TERF1: variants seen among roughly 807,000 people sequenced by gnomAD.
The protein encoded by TERF1 is telomeric repeat binding factor 1, also known as telomeric repeat-binding factor 1.
In TERF1, 20 loss-of-function variants were observed where a neutral mutation model predicts 55.1. The ratio of observed to expected loss-of-function variants is 0.36; its 90% CI spans 0.26 to 0.53. The LOEUF (loss-of-function observed/expected upper bound fraction) is 0.53, where lower values mean the gene tolerates loss of function less well. TERF1 is among the 20% of genes least tolerant of loss of function. TERF1 has a pLI of 0.91. For synonymous variants in TERF1, 168 were observed against 181.2 expected (o/e 0.93, Z 0.59); for missense variants, 439 against 535.7 (o/e 0.82, Z 1.78).
At chr8:73,036,865 A>G (rs1052714321) in intron 8 of TERF1, among the ~76,000 whole-genome samples, 6 of 145,248 alleles carry the variant, frequency 4.1e-5, no homozygotes, top group African/African-American at 1.5e-4. Context: ...TATATTATAT[A>G]TATATGACCT....
At chr8:73,012,098 G>C (rs1210054880) in intron 1 of TERF1, 1 of 152,178 alleles carries the variant, frequency 6.6e-6, no homozygotes, top group African/African-American at 2.4e-5. Context: ...AGGGCATGTA[G>C]AGTTACTCAT....
At chr8:73,029,071 C>T (rs1265371871) in intron 6 of TERF1, among the ~76,000 whole-genome samples, 1 of 151,976 alleles carries the variant, frequency 6.6e-6, no homozygotes, top group Non-Finnish European at 1.5e-5. Context: ...AGAACCAGGG[C>T]AAATAAAGCA....
rs929259145 is a variant in TERF1 at position 73,047,124 on chromosome 8, A to G, written c.*987A>G. 1.3e-5 allele frequency: 2 copies of G among 152,172 alleles called. No homozygotes were observed. Among genetic ancestry groups the G allele is most frequent in the African/African-American group, 4.8e-5 (2 of 41,432 alleles). 9.4% of individuals were successfully genotyped at this position (152,172 alleles called of 1,614,324 possible). ...GATCATACGTACCCCAAACCTCAAC[A>G]TCACACAGTATACTCAGCTAACAAA... On this transcript the variant is annotated 3_prime_UTR_variant, in exon 10 of 10. Coordinates refer to ENST00000276603, the MANE Select transcript of TERF1 (RefSeq NM_017489.3).
chr8:73,035,273 C>A (rs911386103), intron 8 of TERF1, among the ~76,000 whole-genome samples: 4 of 152,076 alleles, frequency 2.6e-5, no homozygotes, highest in African/African-American at 9.7e-5. Flanking sequence ...GCATTGTTTT[C>A]CCATGTTGGA....
rs1276344054 is a variant in TERF1 at position 73,009,019 on chromosome 8, C to T, written c.133C>T (p.Leu45Phe). 1.9e-5 allele frequency: 31 copies of T among 1,611,356 alleles called. No homozygotes were observed. Among genetic ancestry groups the T allele is most frequent in the Non-Finnish European group, 2.5e-5 (30 of 1,179,238 alleles). ...DEEQFECQEL[L>F]ECQVQVGAPE... ...GGAGCAGTTCGAATGCCAGGAACTG[C>T]TCGAGTGCCAGGTGCAGGTGGGGGC... Residue 45 changes from leucine to phenylalanine, a missense_variant, in exon 1 of 10, where the codon CTC becomes TTC. Leu to Phe is a conservative substitution (Grantham distance 22). This residue lies in a region of TERF1 where 179 missense variants were observed against 152.6 expected (regional missense o/e 1.17). Coordinates refer to ENST00000276603, the MANE Select transcript of TERF1 (RefSeq NM_017489.3).
chr8:73,022,452 T>C (rs1202033269), intron 4 of TERF1, 150 bp downstream of exon 4: 4 of 462,206 alleles, frequency 8.7e-6, no homozygotes, highest in East Asian at 4.0e-5. Context: ...AAGTCACATA[T>C]GTGATTTAAA....
In TERF1 at chr8:73,047,635, A is replaced by G. The variant is rs1437358435; in HGVS notation, c.*1498A>G. The G allele has an allele frequency of 3.3e-5, 5 of 152,216 alleles. No homozygotes were observed. The highest frequency in any genetic ancestry group is 1.9e-4 in the East Asian group (1 of 5,198). The allele number at this position is 152,216 out of a possible 1,614,324, so 9.4% of individuals were successfully genotyped here. On this transcript the variant is annotated 3_prime_UTR_variant, in exon 10 of 10. Coordinates refer to ENST00000276603, the MANE Select transcript of TERF1 (RefSeq NM_017489.3). ...TTGAAGTATTTGCATAAAAAATCAA[A>G]TGGTGGTGTTTTGTAATCTCTATTG...
intron 1 of TERF1, chr8:73,012,343 A>C (rs1423857300): frequency 6.6e-6 from 1 of 152,250 alleles, no homozygotes; most frequent in Non-Finnish European, 1.5e-5. Context: ...GAAATATTGC[A>C]AGAATTATCA....
At chr8:73,035,226 A>C (rs1052380075) in intron 8 of TERF1, among the ~76,000 whole-genome samples, 5 of 151,754 alleles carry the variant, frequency 3.3e-5, no homozygotes, top group African/African-American at 1.2e-4. Flanking sequence ...CAATCCCCAA[A>C]TTTTCTTGGT....
rs1808146553 is a variant in TERF1 at position 73,008,969 on chromosome 8, T to C, written c.83T>C (p.Met28Thr). 1.2e-6 allele frequency: 2 copies of C among 1,612,878 alleles called. No individual in the cohort carries two copies. Among genetic ancestry groups the C allele is most frequent in the Non-Finnish European group, 1.7e-6 (2 of 1,179,712 alleles). Residue 28 changes from methionine (M) to threonine (T), a missense_variant, in exon 1 of 10, where the codon ATG becomes ACG. By Grantham distance (81) the Met-to-Thr change is moderately conservative (BLOSUM62 -1). Transcript: ENST00000276603. ...GRDADPTEEQMAETERNDEEQ... is the reference protein window; with the variant it reads ...GRDADPTEEQTAETERNDEEQ... Reference sequence around the variant, plus strand: ...GATGCCGACCCTACTGAGGAGCAGATGGCAGAAACAGAGAGAAACGACGAG... The same window carrying C: ...GATGCCGACCCTACTGAGGAGCAGACGGCAGAAACAGAGAGAAACGACGAG...
chr8:73,017,493 C>A (rs1190270320), intron 2 of TERF1, among the ~76,000 whole-genome samples: 1 of 152,070 alleles, frequency 6.6e-6, no homozygotes, highest in Non-Finnish European at 1.5e-5. Flanking sequence ...TTATGCTGCT[C>A]CATTTTCCTG....
At chr8:73,021,856 C>G (rs1808771688) in intron 3 of TERF1, among the ~76,000 whole-genome samples, 1 of 152,204 alleles carries the variant, frequency 6.6e-6, no homozygotes, top group African/African-American at 2.4e-5. Flanking sequence ...CAAACATCAT[C>G]TACCTCCTCT....
At chr8:73,038,864 C>A in intron 8 of TERF1, 1 of 555,496 alleles carries the variant, frequency 1.8e-6, no homozygotes, top group Admixed American at 5.2e-5. Context: ...AATGGAAAGA[C>A]AGGTTCAGGG....
chr8:73,019,210 G>A (rs775199564), intron 2 of TERF1, among the ~76,000 whole-genome samples: 8 of 152,096 alleles, frequency 5.3e-5, no homozygotes, highest in Non-Finnish European at 8.8e-5. Context: ...CTCAGATGTG[G>A]TGTGGGGGTG....
At chr8:73,032,214 C>CA (rs1201722127) in intron 8 of TERF1, 81 bp downstream of exon 8, 7 of 898,276 alleles carry the variant, frequency 7.8e-6, no homozygotes, top group South Asian at 1.7e-5. Flanking sequence ...ACCACTATAG[C>CA]AAAAAAACAC....
intron 4 of TERF1, 138 bp downstream of exon 4, chr8:73,022,440 G>C (rs542282417): frequency 2.1e-6 from 1 of 470,678 alleles, no homozygotes; most frequent in South Asian, 3.5e-5. Context: ...GAAAAACTAC[G>C]CAAGTCACAT....
intron 9 of TERF1, among the ~76,000 whole-genome samples, chr8:73,041,069 A>G (rs1413331731): frequency 2.6e-5 from 4 of 152,128 alleles, no homozygotes; most frequent in African/African-American, 9.7e-5. Context: ...AAGTCTGACA[A>G]TTTCAAAATC....
At chr8:73,025,746 C>T (rs2975856) in intron 5 of TERF1, among the ~76,000 whole-genome samples, 3 of 102,178 alleles carry the variant, frequency 2.9e-5, no homozygotes, top group Non-Finnish European at 5.5e-5. Flanking sequence ...GACAGTGAGA[C>T]TCTGTCTCAA....
At chr8:73,039,299 A>C in intron 9 of TERF1, 80 bp downstream of exon 9, 1 of 1,020,216 alleles carries the variant, frequency 9.8e-7, no homozygotes, top group Non-Finnish European at 1.4e-6. Flanking sequence ...TTTCTGTTCA[A>C]CCTCCCCAAA....
Sources: gnomAD v4.1 joint callset for allele counts (sites outside exome capture counted in the v4.1 genomes callset) on GRCh38, gnomAD v4.1.1 for gene constraint, gnomAD v4.1.1 regional missense constraint, MANE v1.5 for transcripts, NCBI Gene and HGNC (gene_info 2026-07-23, HGNC 2026-07-21) for gene names.